The following EML4 variants were observed in gnomAD, a reference collection of about 807,000 sequenced individuals.
EML4 encodes EMAP like 4.
In EML4, 72 loss-of-function variants were observed where a neutral mutation model predicts 129.0. That is an observed-to-expected ratio of 0.56 (90% CI 0.46 to 0.68). EML4 has a LOEUF of 0.68. Among genes scored for constraint, EML4 ranks in the 30% least tolerant of loss-of-function variants. EML4 has a pLI of 0.00. For missense variants in EML4, 1,363 were observed against 1,190.6 expected (o/e 1.14, Z -2.13); for synonymous variants, 532 against 405.0 (o/e 1.31, Z -3.77).
intron 17 of EML4, among the ~76,000 whole-genome samples, chr2:42,308,077 A>C (rs1668718074): frequency 6.6e-6 from 1 of 152,292 alleles, no homozygotes; most frequent in African/African-American, 2.4e-5. Context: ...ACTTCATGTA[A>C]CTAAAGAGTA....
In EML4 at chr2:42,295,483, A is replaced by C. The variant is rs768074232; in HGVS notation, c.1456A>C (p.Thr486Pro). 6.2e-7 allele frequency: 1 copy of C among 1,613,796 alleles called. No homozygotes were observed. Among genetic ancestry groups the C allele is most frequent in the East Asian group, 2.2e-5 (1 of 44,842 alleles). ...AGTCATGCTTATATGGAGCAAAACT[A>C]CTGTAGAGCCCACACCTGGGAAAGG... is the stretch of plus-strand genomic sequence containing the variant. ...GGVMLIWSKT[T>P]VEPTPGKGPK... Residue 486 changes from threonine (T) to proline (P), a missense_variant, in exon 13 of 23, where the codon ACT (threonine) becomes CCT (proline). Physicochemically the swap from Thr to Pro is conservative, Grantham distance 38. Coordinates refer to ENST00000318522, the MANE Select transcript of EML4 (RefSeq NM_019063.5).
intron 7 of EML4, among the ~76,000 whole-genome samples, chr2:42,282,084 C>T (rs1667043654): frequency 6.6e-6 from 1 of 152,108 alleles, no homozygotes; most frequent in African/African-American, 2.4e-5. Flanking sequence ...TCCCTTCTCT[C>T]TCTTTTTCTC....
Position 42,261,136 on chromosome 2 carries a change from G to T in EML4, c.354G>T (p.Lys118Asn), listed in dbSNP as rs753906616. The change falls in exon 4 of 23, where the codon AAG (lysine) becomes AAT (asparagine). Residue 118 changes from lysine to asparagine, a missense_variant. Coordinates refer to ENST00000318522, the MANE Select transcript of EML4 (RefSeq NM_019063.5). The stretch of plus-strand genomic sequence containing the variant: ...TATTTTACAGTGGTACAGAAAAAAA[G>T]AAAGAAAAACCACAAGGACAGAGAG... ...SSAAKSGTEK[K>N]KEKPQGQREK... The T allele has an allele frequency of 6.2e-7, 1 of 1,608,030 alleles. No homozygotes were observed. Among genetic ancestry groups the T allele is most frequent in the South Asian group, 1.1e-5 (1 of 90,588 alleles).
At chr2:42,306,703 C>T (rs1246305436) in intron 17 of EML4, among the ~76,000 whole-genome samples, 1 of 150,818 alleles carries the variant, frequency 6.6e-6, no homozygotes, top group Non-Finnish European at 1.5e-5. Context: ...AGAGTTTCAC[C>T]GTGTTAGCCA....
intron 1 of EML4, among the ~76,000 whole-genome samples, chr2:42,175,205 C>G (rs1015200054): frequency 2.7e-5 from 4 of 150,850 alleles, no homozygotes; most frequent in African/African-American, 7.3e-5. Context: ...CTCTGCCTCC[C>G]GTGTTCAAGC....
At chr2:42,283,908 T>C (rs968816902) in intron 8 of EML4, among the ~76,000 whole-genome samples, 4 of 152,232 alleles carry the variant, frequency 2.6e-5, no homozygotes, top group Admixed American at 2.6e-4. Flanking sequence ...GATGTGTTCT[T>C]AAGTACAAAT....
intron 1 of EML4, among the ~76,000 whole-genome samples, chr2:42,196,765 C>A (rs1358269954): frequency 1.3e-5 from 2 of 152,214 alleles, no homozygotes; most frequent in Admixed American, 6.5e-5. Context: ...AACTTCCCTT[C>A]CCCCTCTGCC....
chr2:42,313,693 C>G (rs185610864), intron 17 of EML4, among the ~76,000 whole-genome samples: 4 of 151,430 alleles, frequency 2.6e-5, no homozygotes, highest in Admixed American at 1.3e-4. Context: ...GTTGGGAGGA[C>G]AAGGCGAGGG....
chr2:42,196,564 T>C (rs1046336302), intron 1 of EML4, among the ~76,000 whole-genome samples: 5 of 152,230 alleles, frequency 3.3e-5, no homozygotes, highest in African/African-American at 1.2e-4. Flanking sequence ...GTCTGCCATG[T>C]CTGCTCTGAC....
chr2:42,280,379 T>C (rs989245930), intron 6 of EML4, among the ~76,000 whole-genome samples: 3 of 152,264 alleles, frequency 2.0e-5, no homozygotes, highest in Admixed American at 2.0e-4. Flanking sequence ...CACTTTGTTT[T>C]CTGTATGCTG....
chr2:42,293,065 G>GA (rs954777152), intron 11 of EML4, among the ~76,000 whole-genome samples: 4 of 151,944 alleles, frequency 2.6e-5, no homozygotes, highest in African/African-American at 9.7e-5. Flanking sequence ...CATCACTGTG[G>GA]AAAATTACGT....
At chr2:42,197,469 A>G (rs1294047375) in intron 1 of EML4, among the ~76,000 whole-genome samples, 3 of 152,198 alleles carry the variant, frequency 2.0e-5, no homozygotes, top group Non-Finnish European at 4.4e-5. Flanking sequence ...GCAGGAGGTG[A>G]TAAGAGTTCT....
intron 6 of EML4, among the ~76,000 whole-genome samples, chr2:42,278,779 C>CA (rs1243176774): frequency 1.3e-5 from 2 of 151,148 alleles, no homozygotes; most frequent in African/African-American, 4.9e-5. Flanking sequence ...ACTAAAAATA[C>CA]AAAAAAATTA....
intron 1 of EML4, among the ~76,000 whole-genome samples, chr2:42,180,121 G>A (rs1024895945): frequency 6.6e-6 from 1 of 152,188 alleles, no homozygotes; most frequent in East Asian, 1.9e-4. Flanking sequence ...AAAATTGTAT[G>A]AACTTTGCAT....
intron 1 of EML4, chr2:42,170,055 C>T (rs1252568543): frequency 1.2e-5 from 2 of 163,498 alleles, no homozygotes; most frequent in Non-Finnish European, 2.7e-5. Flanking sequence ...ACACGCCTCT[C>T]TTTCAGGGTG....
intron 20 of EML4, 33 bp downstream of exon 20, chr2:42,325,587 ATGC>A (rs1558614529): frequency 6.7e-6 from 2 of 300,070 alleles, no homozygotes; most frequent in East Asian, 8.8e-5. Flanking sequence ...ATATATATAT[ATGC>A]TATGATTATA....
At chr2:42,261,059 T>TC in intron 3 of EML4, 62 bp from the exon 4 acceptor site, 1 of 1,267,956 alleles carries the variant, frequency 7.9e-7, no homozygotes, top group Non-Finnish European at 1.1e-6. Context: ...CACTTTTCTA[T>TC]CGTTTGATTT....
At chr2:42,233,469 C>A (rs969494624) in intron 1 of EML4, among the ~76,000 whole-genome samples, 2 of 151,636 alleles carry the variant, frequency 1.3e-5, no homozygotes, top group African/African-American at 4.9e-5. Flanking sequence ...CCATGCCCAG[C>A]CAATTTTTTT....
chr2:42,263,123 G>A, intron 4 of EML4, 55 bp from the exon 5 acceptor site: 2 of 1,445,566 alleles, frequency 1.4e-6, no homozygotes. Context: ...TAAATTGTCA[G>A]TTACATGTCT....
Sources: gnomAD v4.1 joint callset for allele counts (sites outside exome capture counted in the v4.1 genomes callset) on GRCh38, gnomAD v4.1.1 for gene constraint, MANE v1.5 for transcripts, NCBI Gene and HGNC (gene_info 2026-07-23, HGNC 2026-07-21) for gene names.